The following TMEM131 variants were observed in gnomAD, a reference collection of about 807,000 sequenced individuals.
TMEM131 encodes the protein transmembrane protein 131, also known as 2610524E03Rik.
TMEM131 carries 66 observed loss-of-function variants against 211.6 expected under a neutral mutation model. The observed-to-expected ratio is 0.31, with a 90% confidence interval of 0.26 to 0.38. The LOEUF is 0.38. TMEM131 is among the 10% of genes least tolerant of loss of function. The pLI, the probability that TMEM131 is intolerant of heterozygous loss-of-function variation, is 1.00. For synonymous variants in TMEM131, 844 were observed against 841.3 expected, an observed-to-expected ratio of 1.00 and a Z score of -0.06; for missense variants, 2,036 against 2,299.3, an observed-to-expected ratio of 0.89 and a Z score of 2.34.
chr2:97,796,378 T>C lies in TMEM131; in HGVS notation c.3040A>G (p.Thr1014Ala). 6.5e-7 allele frequency: 1 copy of C among 1,529,554 alleles called. No homozygotes were observed. The highest frequency in any genetic ancestry group is 8.8e-7 in the Non-Finnish European group (1 of 1,141,204). 94.7% of individuals were successfully genotyped at this position (1,529,554 alleles called of 1,614,324 possible). Residue 1014 changes from threonine to alanine, a missense_variant, in exon 28 of 41, where the codon ACA becomes GCA. By Grantham distance (58) the Thr-to-Ala change is moderately conservative (BLOSUM62 0). Coordinates refer to ENST00000186436, the MANE Select transcript of TMEM131 (RefSeq NM_015348.2). ...TCTACCTTAAATGTTCTTTTCAATG[T>C]GAAATTTGGTTCTCTTAGTTTTAAA... ...DSLKLREPNFTLKRTFKVENT... is the reference protein window; with the variant it reads ...DSLKLREPNFALKRTFKVENT...
chr2:97,992,290 T>C (rs1272515048), intron 1 of TMEM131, among the ~76,000 whole-genome samples: 2 of 152,256 alleles, frequency 1.3e-5, no homozygotes, highest in African/African-American at 4.8e-5. Context: ...TTTCTTGTGG[T>C]CTTTAGTCCT....
intron 5 of TMEM131, among the ~76,000 whole-genome samples, chr2:97,844,689 C>G (rs977079903): frequency 1.3e-5 from 2 of 152,160 alleles, no homozygotes; most frequent in Admixed American, 6.5e-5. Flanking sequence ...TCCATCCACA[C>G]AAGGAACAAA....
At chr2:97,818,585 TATCAGA>T (rs1559379142) in intron 12 of TMEM131, 22 bp downstream of exon 12, 2 of 1,403,378 alleles carry the variant, frequency 1.4e-6, no homozygotes, top group Non-Finnish European at 2.0e-6. Flanking sequence ...AACATCACTC[TATCAGA>T]GAGAAAATGG....
At chr2:97,779,561 C>G (rs1031232596) in intron 31 of TMEM131, among the ~76,000 whole-genome samples, 1 of 152,208 alleles carries the variant, frequency 6.6e-6, no homozygotes, top group Non-Finnish European at 1.5e-5. Flanking sequence ...CAGTAGTTCT[C>G]AAAGTGTCCC....
chr2:97,953,750 C>T (rs1678433693), intron 1 of TMEM131, among the ~76,000 whole-genome samples: 1 of 152,126 alleles, frequency 6.6e-6, no homozygotes, highest in Non-Finnish European at 1.5e-5. Flanking sequence ...ACAGACCATA[C>T]CCTGGGTCAT....
At chr2:97,874,623 T>C (rs1308498290) in intron 4 of TMEM131, among the ~76,000 whole-genome samples, 1 of 152,190 alleles carries the variant, frequency 6.6e-6, no homozygotes, top group Admixed American at 6.5e-5. Context: ...CCAGCCAAAC[T>C]AAGCTTCATA....
chr2:97,861,741 C>T (rs937908265), intron 4 of TMEM131, among the ~76,000 whole-genome samples: 9 of 152,086 alleles, frequency 5.9e-5, no homozygotes, highest in African/African-American at 1.9e-4. Flanking sequence ...TGTTTGACTC[C>T]AGTCCCTGGT....
chr2:97,930,945 T>A (rs1677192362), intron 1 of TMEM131, among the ~76,000 whole-genome samples: 1 of 59,520 alleles, frequency 1.7e-5, no homozygotes, highest in Admixed American at 1.1e-4. Flanking sequence ...ACACAGACAT[T>A]ATGATCCATT....
intron 10 of TMEM131, among the ~76,000 whole-genome samples, chr2:97,834,129 C>T (rs1308007175): frequency 6.6e-6 from 1 of 152,048 alleles, no homozygotes; most frequent in African/African-American, 2.4e-5. Context: ...ATATATAGTC[C>T]ATATACATCC....
Position 97,802,671 on chromosome 2 carries a change from G to T in TMEM131, c.2522C>A (p.Thr841Asn). 1 of 1,612,200 alleles carries T rather than the reference G, an allele frequency of 6.2e-7. No homozygotes were observed. The highest frequency in any genetic ancestry group is 1.3e-5 in the African/African-American group (1 of 74,980). Reference protein sequence around the residue: ...SSPRHLKFPLTNTNCSSEEEI... With the variant: ...SSPRHLKFPLNNTNCSSEEEI... ...ACTTACTGAGGAGCAGTTTGTATTAGTAAGTGGAAATTTCAAGTGCCGGGG... is the reference window on the plus strand; with the variant it reads ...ACTTACTGAGGAGCAGTTTGTATTATTAAGTGGAAATTTCAAGTGCCGGGG... Residue 841 changes from threonine (T) to asparagine (N), a missense_variant, in exon 23 of 41, where the codon ACT (threonine) becomes AAT (asparagine). This residue lies in a region of TMEM131 where 1,623 missense variants were observed against 1,805.9 expected (regional missense o/e 0.90). Coordinates refer to ENST00000186436, the MANE Select transcript of TMEM131 (RefSeq NM_015348.2).
At chr2:97,881,354 A>C (rs867654710) in intron 4 of TMEM131, among the ~76,000 whole-genome samples, 3 of 151,412 alleles carry the variant, frequency 2.0e-5, no homozygotes, top group Admixed American at 6.6e-5. Flanking sequence ...CTACAGGTGC[A>C]CACCACCATG....
rs543628741 is a variant in TMEM131 at position 97,756,376 on chromosome 2, G to A, written c.*723C>T. 2.6e-5 allele frequency: 4 copies of A among 152,288 alleles called. No individual in the cohort carries two copies. Among genetic ancestry groups the A allele is most frequent in the African/African-American group, 7.2e-5 (3 of 41,576 alleles). The allele number at this position is 152,288 out of a possible 1,614,324, so 9.4% of individuals were successfully genotyped here. ...CATTTATTTCAAAGTACAACACAAA[G>A]TTGTATTTTTAAGAAATACACATTC... On this transcript the variant is annotated 3_prime_UTR_variant, in exon 41 of 41. Transcript: ENST00000186436.
intron 1 of TMEM131, among the ~76,000 whole-genome samples, chr2:97,945,115 T>C (rs1235565844): frequency 6.6e-6 from 1 of 152,168 alleles, no homozygotes. Context: ...ATCCATTTAA[T>C]GGAGTATTTT....
chr2:97,855,381 A>G (rs1008545713), intron 5 of TMEM131, among the ~76,000 whole-genome samples: 78 of 152,226 alleles, frequency 5.1e-4, no homozygotes, highest in African/African-American at 1.9e-3. Flanking sequence ...AAATAAATAT[A>G]CACAGATTTT....
chr2:97,943,032 AAAAGAAAAGAAAG>A (rs1559464379), intron 1 of TMEM131, among the ~76,000 whole-genome samples: 61 of 47,294 alleles, frequency 1.3e-3, no homozygotes, highest in South Asian at 0.011. Context: ...AAAAGAAAAG[AAAAGAAAAGAAAG>A]AAAGAAAGAA....
intron 4 of TMEM131, among the ~76,000 whole-genome samples, chr2:97,864,842 C>T (rs1000269826): frequency 6.6e-6 from 1 of 152,202 alleles, no homozygotes; most frequent in Non-Finnish European, 1.5e-5. Context: ...ACTTTCTTCC[C>T]TGTCTGCCTT....
At chr2:97,835,588 G>A (rs1305912964) in intron 8 of TMEM131, among the ~76,000 whole-genome samples, 1 of 152,206 alleles carries the variant, frequency 6.6e-6, no homozygotes, top group Admixed American at 6.5e-5. Flanking sequence ...GGGACTGCCT[G>A]AATTTCTTCT....
chr2:97,936,464 T>C (rs1245877461), intron 1 of TMEM131, among the ~76,000 whole-genome samples: 1 of 152,202 alleles, frequency 6.6e-6, no homozygotes, highest in Admixed American at 6.5e-5. Context: ...CTGAGTGTTT[T>C]GATGTGCCCC....
intron 1 of TMEM131, among the ~76,000 whole-genome samples, chr2:97,930,229 C>T (rs1677161642): frequency 6.6e-6 from 1 of 151,648 alleles, no homozygotes; most frequent in Non-Finnish European, 1.5e-5. Flanking sequence ...CAGAGGAAAC[C>T]AACAAGAAAC....
Sources: gnomAD v4.1 joint callset for allele counts (sites outside exome capture counted in the v4.1 genomes callset) on GRCh38, gnomAD v4.1.1 for gene constraint, gnomAD v4.1.1 regional missense constraint, MANE v1.5 for transcripts, NCBI Gene and HGNC (gene_info 2026-07-23, HGNC 2026-07-21) for gene names.